CSMD1: variants seen among roughly 807,000 people sequenced by gnomAD.
The protein encoded by CSMD1 is CUB and Sushi multiple domains 1.
CSMD1 carries 213 observed loss-of-function variants against 417.5 expected under a neutral mutation model. The observed-to-expected ratio is 0.51, with a 90% CI of 0.46 to 0.57. The LOEUF is 0.57. Ranked by LOEUF, CSMD1 falls within the 20% of genes least tolerant of loss-of-function variation. The probability of loss-of-function intolerance (pLI) is 0.00; values close to 1 mark genes in which losing one functional copy is unlikely to be tolerated. For synonymous variants in CSMD1, 2,862 were observed against 1,736.8 expected, an observed-to-expected ratio of 1.65 and a Z score of -16.11; for missense variants, 6,923 against 4,529.7, an observed-to-expected ratio of 1.53 and a Z score of -15.17.
Position 3,841,614 on chromosome 8 carries a change from G to C in CSMD1, c.819-87572C>G, listed in dbSNP as rs937517867. 2.0e-5 allele frequency among the ~76,000 whole-genome samples: 3 copies of C among 151,782 alleles called. No individual in the cohort carries two copies. In the South Asian group the frequency reaches 6.3e-4, roughly 32 times the overall value. On this transcript the variant is annotated intron_variant, in intron 5 of 69. Coordinates refer to ENST00000635120, the MANE Select transcript of CSMD1 (RefSeq NM_033225.6). ...AGCACTAGAAAGGATTTTAGAACTG[G>C]ATCCTAGTTTTTCAGGTCACACATT...
chr8:3,279,711 C>G (rs376325327), intron 26 of CSMD1, among the ~76,000 whole-genome samples: 3 of 152,048 alleles, frequency 2.0e-5, no homozygotes, highest in Middle Eastern at 3.2e-3. Flanking sequence ...AGGAAACTTA[C>G]AATCATGGAG....
intron 7 of CSMD1, among the ~76,000 whole-genome samples, chr8:3,630,512 A>T (rs565500458): frequency 6.6e-6 from 1 of 152,304 alleles, no homozygotes; most frequent in East Asian, 1.9e-4. Flanking sequence ...TATATGTTAA[A>T]CAGTTCATCG....
intron 5 of CSMD1, among the ~76,000 whole-genome samples, chr8:3,979,662 T>C (rs554867841): frequency 1.1e-4 from 17 of 152,284 alleles, no homozygotes; most frequent in African/African-American, 2.9e-4. Flanking sequence ...GTGAAGACGC[T>C]GAAAGCAGGT....
At chr8:3,714,628 T>C (rs368199131) in intron 6 of CSMD1, among the ~76,000 whole-genome samples, 10 of 148,144 alleles carry the variant, frequency 6.8e-5, no homozygotes, top group African/African-American at 2.5e-4. Flanking sequence ...TCCCAGCTAG[T>C]TGGGAGGCTG....
intron 26 of CSMD1, among the ~76,000 whole-genome samples, chr8:3,267,944 G>A (rs1481946749): frequency 6.6e-6 from 1 of 152,110 alleles, no homozygotes; most frequent in Non-Finnish European, 1.5e-5. Flanking sequence ...CAGAAATGAG[G>A]ATTATGCCAG....
chr8:4,806,405 T>C (rs954861955), intron 1 of CSMD1, among the ~76,000 whole-genome samples: 26 of 152,138 alleles, frequency 1.7e-4, no homozygotes, highest in Non-Finnish European at 3.1e-4. Flanking sequence ...AGCAAAGTTC[T>C]TTGCCATAAA....
chr8:4,391,282 A>G (rs943673548), intron 3 of CSMD1, among the ~76,000 whole-genome samples: 6 of 152,192 alleles, frequency 3.9e-5, no homozygotes, highest in Admixed American at 2.6e-4. Context: ...CATCTTTGCC[A>G]TTAACTCTAC....
intron 36 of CSMD1, among the ~76,000 whole-genome samples, chr8:3,182,672 A>T (rs1232500998): frequency 1.2e-4 from 2 of 16,414 alleles, no homozygotes; most frequent in Non-Finnish European, 1.1e-4. Context: ...TGTCTATAAG[A>T]AGCTGTGTGT....
intron 31 of CSMD1, among the ~76,000 whole-genome samples, chr8:3,204,850 A>G (rs1251105794): frequency 1.3e-5 from 2 of 152,230 alleles, no homozygotes; most frequent in East Asian, 1.9e-4. Flanking sequence ...TTACTCCAGA[A>G]AAGAATCTGA....
intron 1 of CSMD1, among the ~76,000 whole-genome samples, chr8:4,973,817 T>A (rs988553033): frequency 1.3e-5 from 2 of 152,212 alleles, no homozygotes; most frequent in Admixed American, 6.5e-5. Flanking sequence ...GTTCCTGAAC[T>A]GAGTATAGGT....
chr8:4,273,660 C>G (rs147452613), intron 3 of CSMD1, among the ~76,000 whole-genome samples: 295 of 152,188 alleles, frequency 1.9e-3, no homozygotes, highest in African/African-American at 6.7e-3. Context: ...GAGCAGTAAT[C>G]TGTAGCAAAT....
chr8:4,741,927 G>T (rs928440090), intron 1 of CSMD1, among the ~76,000 whole-genome samples: 2 of 148,050 alleles, frequency 1.4e-5, no homozygotes, highest in Non-Finnish European at 1.5e-5. Flanking sequence ...TCGACTTCCT[G>T]GGCTCAAGGA....
chr8:4,095,046 G>C (rs1342666332), intron 3 of CSMD1, among the ~76,000 whole-genome samples: 3 of 152,178 alleles, frequency 2.0e-5, no homozygotes, highest in Non-Finnish European at 4.4e-5. Flanking sequence ...AGTCATGTAA[G>C]TAGTTGAGCT....
chr8:3,616,590 A>C lies in CSMD1; in HGVS notation c.1097+120T>G. On this transcript the variant is annotated intron_variant, in intron 8 of 69. Transcript: ENST00000635120. ...ATTGTGATTACACACATTTAGAGTT[A>C]ATGATTAAGAAGTTTTATCTTTACC... The C allele has an allele frequency of 6.0e-6, 4 of 661,424 alleles. No individual in the cohort carries two copies. In the Middle Eastern group the frequency reaches 7.5e-4, roughly 125 times the overall value. 41.0% of individuals were successfully genotyped at this position (661,424 alleles called of 1,614,324 possible). A position where few individuals can be genotyped will look rare whatever the true frequency, so the allele number is the denominator to read the frequency against.
At chr8:4,244,136 A>G (rs1033516828) in intron 3 of CSMD1, among the ~76,000 whole-genome samples, 8 of 152,200 alleles carry the variant, frequency 5.3e-5, no homozygotes, top group African/African-American at 1.9e-4. Flanking sequence ...TTCGCGCAGC[A>G]CAAGTAGATT....
At chr8:4,475,841 G>C (rs1405453952) in intron 2 of CSMD1, among the ~76,000 whole-genome samples, 4 of 152,052 alleles carry the variant, frequency 2.6e-5, no homozygotes, top group Non-Finnish European at 5.9e-5. Context: ...TCAAACTCCT[G>C]ACCTCAGGTG....
At chr8:3,761,817 T>C (rs1365757307) in intron 5 of CSMD1, among the ~76,000 whole-genome samples, 1 of 152,136 alleles carries the variant, frequency 6.6e-6, no homozygotes. Flanking sequence ...AAATTACCAC[T>C]TTCTACAAGT....
intron 1 of CSMD1, among the ~76,000 whole-genome samples, chr8:4,937,443 T>C (rs969089458): frequency 3.3e-5 from 5 of 152,146 alleles, no homozygotes; most frequent in Non-Finnish European, 5.9e-5. Flanking sequence ...TTCTCTATGA[T>C]GAGTAATACT....
chr8:4,116,662 G>C (rs756701745), intron 3 of CSMD1, among the ~76,000 whole-genome samples: 1 of 150,728 alleles, frequency 6.6e-6, no homozygotes, highest in African/African-American at 2.4e-5. Flanking sequence ...GTACACATCC[G>C]ACGGCGATGT....
Sources: allele counts gnomAD v4.1 joint callset (sites outside exome capture counted in the v4.1 genomes callset), GRCh38; gene constraint gnomAD v4.1.1; transcripts MANE v1.5; gene names NCBI Gene and HGNC (gene_info 2026-07-23, HGNC 2026-07-21).